SEMA6A: variants seen among roughly 807,000 people sequenced by gnomAD.
SEMA6A encodes semaphorin-6A.
In SEMA6A, 25 loss-of-function variants were observed where a neutral mutation model predicts 96.8. That is an observed-to-expected ratio of 0.26 (90% CI 0.19 to 0.36). The LOEUF is 0.36. Ranked by LOEUF, SEMA6A falls within the 10% of genes least tolerant of loss-of-function variation. The pLI, the probability that SEMA6A is intolerant of heterozygous loss-of-function variation, is 1.00. For synonymous variants in SEMA6A, 612 were observed against 518.0 expected, an observed-to-expected ratio of 1.18 and a Z score of -2.46; for missense variants, 1,363 against 1,323.1, an observed-to-expected ratio of 1.03 and a Z score of -0.47.
chr5:116,473,049 T>G lies in SEMA6A; in HGVS notation c.1729+24A>C, dbSNP rs763127862. ...CAGATAGGTTTCCACCAGTATGGAA[T>G]TATGAGAGTAATATCTTCCTTACCA... is the stretch of plus-strand genomic sequence containing the variant. On this transcript the variant is annotated intron_variant, in intron 17 of 18. Coordinates refer to ENST00000343348, the MANE Select transcript of SEMA6A (RefSeq NM_020796.5). 4 of 1,585,660 alleles carry G rather than the reference T, an allele frequency of 2.5e-6. No homozygotes were observed. The Middle Eastern group carries it at 5.0e-4, about 197-fold the overall frequency.
chr5:116,552,635 G>A (rs944482389), intron 1 of SEMA6A, among the ~76,000 whole-genome samples: 2 of 152,184 alleles, frequency 1.3e-5, no homozygotes, highest in Admixed American at 6.6e-5. Context: ...CGTCTTGTGA[G>A]GGAGCATCAG....
chr5:116,566,628 G>A (rs371822373), intron 1 of SEMA6A, among the ~76,000 whole-genome samples: 17 of 152,336 alleles, frequency 1.1e-4, no homozygotes, highest in East Asian at 9.6e-4. Context: ...GCAGGGAATT[G>A]TGGTGATAAC....
intron 1 of SEMA6A, among the ~76,000 whole-genome samples, chr5:116,543,043 A>T: frequency 6.6e-6 from 1 of 151,880 alleles, no homozygotes; most frequent in Non-Finnish European, 1.5e-5. Context: ...AAGTTGAAGA[A>T]TTTTTTTTCT....
chr5:116,527,430 A>G lies in SEMA6A; in HGVS notation c.-38-22448T>C, dbSNP rs116303206. 5.2e-3 allele frequency among the ~76,000 whole-genome samples: 786 copies of G among 152,330 alleles called. 8 individuals are homozygous for G. Among genetic ancestry groups the G allele is most frequent in the African/African-American group, 0.018 (756 of 41,574 alleles). ...ATTCCTAATGCTTCAATACGAGGAA[A>G]TACATGCGCTTTTTTCTACTTGCAT... On this transcript the variant is annotated intron_variant, in intron 1 of 18. Transcript: ENST00000343348.
intron 1 of SEMA6A, among the ~76,000 whole-genome samples, chr5:116,521,047 A>T (rs1035604051): frequency 2.6e-5 from 4 of 152,226 alleles, no homozygotes; most frequent in African/African-American, 9.6e-5. Flanking sequence ...GTTTGACCAG[A>T]TTGTATAGGA....
At chr5:116,454,874 C>G (rs909806065) in intron 18 of SEMA6A, among the ~76,000 whole-genome samples, 4 of 151,754 alleles carry the variant, frequency 2.6e-5, no homozygotes, top group African/African-American at 9.7e-5. Flanking sequence ...GATTAGGTAC[C>G]AGGAGGGGCC....
intron 1 of SEMA6A, among the ~76,000 whole-genome samples, chr5:116,549,405 A>G (rs1171485947): frequency 1.3e-5 from 2 of 152,172 alleles, no homozygotes; most frequent in Non-Finnish European, 2.9e-5. Context: ...CCAGACTACC[A>G]TAAAGCCCTC....
In SEMA6A at chr5:116,547,734, T is replaced by TAAA. The variant is rs34908253; in HGVS notation, c.-39+26448_-39+26450dup. Among the ~76,000 whole-genome samples the TAAA allele has an allele frequency of 7.9e-3, 519 of 65,540 alleles. 17 individuals are homozygous for TAAA. The highest frequency in any genetic ancestry group is 1.0e-2 in the Admixed American group (48 of 4,808). 43.0% of individuals were successfully genotyped at this position (65,540 alleles called of 152,430 possible). ...TGTAAACTGCTATGTATCTGATACT[T>TAAA]AAAAAAAAAAAAAAAAAAAAAAAAA... On this transcript the variant is annotated intron_variant, in intron 1 of 18. Coordinates refer to ENST00000343348, the MANE Select transcript of SEMA6A (RefSeq NM_020796.5).
Position 116,482,565 on chromosome 5 carries a change from A to T in SEMA6A, c.973T>A (p.Ser325Thr). 1 of 1,613,596 alleles carries T rather than the reference A, an allele frequency of 6.2e-7. No homozygotes were observed. Among genetic ancestry groups the T allele is most frequent in the South Asian group, 1.1e-5 (1 of 91,078 alleles). ...AGCATGTCATAGGCACAGACTGCAG[A>T]CCCAGGGATGCTACAACATGATATT... ...FSTPYNSIPG[S>T]AVCAYDMLDI... is the part of the protein sequence containing the mutation. Residue 325 changes from serine to threonine, a missense_variant, in exon 11 of 19, where the codon TCT becomes ACT. Ser to Thr is a moderately conservative substitution (Grantham distance 58). Transcript: ENST00000343348.
At chr5:116,449,274 C>G (rs960954967) in intron 18 of SEMA6A, 1 of 701,948 alleles carries the variant, frequency 1.4e-6, no homozygotes, top group Admixed American at 2.0e-5. Flanking sequence ...GAAATGTAAA[C>G]ATTGTTCCTA....
At position 116,452,102 on chromosome 5, in the gene SEMA6A, C is replaced by T. The variant is rs146222011; in HGVS notation, c.1895-4291G>A. ...CCTTGGAGGGTGGTGTACTCCCCTC[C>T]GCAGGTATCCTCCCACTGCAGAGAG... On this transcript the variant is annotated intron_variant, in intron 18 of 18. Transcript: ENST00000343348. Among the ~76,000 whole-genome samples the T allele has an allele frequency of 1.5e-4, 23 of 152,272 alleles. No homozygotes were observed. In the East Asian group the frequency reaches 1.9e-3, roughly 13 times the overall value.
chr5:116,549,437 A>T (rs1760313879), intron 1 of SEMA6A, among the ~76,000 whole-genome samples: 1 of 152,194 alleles, frequency 6.6e-6, no homozygotes. Context: ...AGGGGAAACA[A>T]GAATGGGGAG....
intron 9 of SEMA6A, 133 bp downstream of exon 9, chr5:116,487,975 A>T: frequency 1.8e-6 from 1 of 541,360 alleles, no homozygotes; most frequent in Non-Finnish European, 3.3e-6. Context: ...GAAACAGCAG[A>T]TAGGGCCTCC....
intron 1 of SEMA6A, among the ~76,000 whole-genome samples, chr5:116,531,244 AG>A (rs1470865192): frequency 6.6e-6 from 1 of 152,122 alleles, no homozygotes; most frequent in Non-Finnish European, 1.5e-5. Context: ...GGGTCAATAA[AG>A]TTTTTTTAAA....
chr5:116,531,115 C>T (rs1030881937), intron 1 of SEMA6A, among the ~76,000 whole-genome samples: 21 of 150,720 alleles, frequency 1.4e-4, no homozygotes, highest in African/African-American at 4.6e-4. Context: ...TTTCCCTAAT[C>T]TTACCTTCAC....
chr5:116,517,943 C>G (rs2112807805), intron 1 of SEMA6A, among the ~76,000 whole-genome samples: 1 of 152,298 alleles, frequency 6.6e-6, no homozygotes, highest in East Asian at 1.9e-4. Context: ...CATTTTCTCC[C>G]CAATGGAATA....
rs1756553457 is a variant in SEMA6A, at chr5:116,478,067, G to A, written c.1515C>T (p.Thr505=). The A allele has an allele frequency of 6.2e-7, 1 of 1,613,862 alleles. No individual in the cohort carries two copies. The highest frequency in any genetic ancestry group is 1.3e-5 in the African/African-American group (1 of 74,930). ...ASSSLYVAFS[T]CVIKVPLGRC... ...GGCCAAGGGGAACCTTTATCACACA[G>A]GTAGAGAACGCAACATACAGAGAGC... Residue 505 remains threonine, a synonymous_variant, in exon 14 of 19, where the codon ACC becomes ACT. Transcript: ENST00000343348.
rs368785940 is a variant in SEMA6A at position 116,502,189 on chromosome 5, C to A, written c.218+21G>T. 3.4e-5 allele frequency: 55 copies of A among 1,597,220 alleles called. 1 individual carries two copies. The highest frequency in any genetic ancestry group is 2.7e-4 in the East Asian group (12 of 44,784). On this transcript the variant is annotated intron_variant, in intron 3 of 18. Coordinates refer to ENST00000343348, the MANE Select transcript of SEMA6A (RefSeq NM_020796.5). ...GGCTTTTGGACACTCTCAAGGCAGACATGGGGAAAAGGCCCCTTACCTAGC... is the reference window on the plus strand; with the variant it reads ...GGCTTTTGGACACTCTCAAGGCAGAAATGGGGAAAAGGCCCCTTACCTAGC...
chr5:116,533,549 T>A (rs73780324), intron 1 of SEMA6A, among the ~76,000 whole-genome samples: 14,296 of 152,280 alleles, frequency 0.094, 917 homozygotes, highest in African/African-American at 0.18. Context: ...TATATCAGCA[T>A]ACTTTTCTCT....
Sources: gnomAD v4.1 joint callset for allele counts (sites outside exome capture counted in the v4.1 genomes callset) on GRCh38, gnomAD v4.1.1 for gene constraint, MANE v1.5 for transcripts, NCBI Gene and HGNC (gene_info 2026-07-23, HGNC 2026-07-21) for gene names.